Variants in DMD observed in about 807,000 individuals in gnomAD.
DMD encodes the protein mutant dystrophin.
DMD carries 63 observed loss-of-function variants against 330.1 expected under a neutral mutation model. The ratio of observed to expected loss-of-function variants is 0.19; its 90% CI spans 0.16 to 0.24. DMD has a LOEUF of 0.24. DMD is among the 10% of genes least tolerant of loss of function. The pLI is 1.00. For synonymous variants in DMD, 1,223 were observed against 959.8 expected, an observed-to-expected ratio of 1.27 and a Z score of -5.07; for missense variants, 3,344 against 2,684.1, an observed-to-expected ratio of 1.25 and a Z score of -5.43.
intron 12 of DMD, among the ~76,000 whole-genome samples, chrX:32,605,918 T>C (rs987085436): frequency 9.1e-6 from 1 of 109,795 alleles, no homozygotes; most frequent in Admixed American, 9.7e-5. Context: ...GGGTACAGAG[T>C]AGGTGTATTT....
intron 43 of DMD, among the ~76,000 whole-genome samples, chrX:32,281,944 A>G (rs183994046): frequency 2.1e-3 from 235 of 111,896 alleles, no homozygotes; most frequent in African/African-American, 7.3e-3. Context: ...TGGGTGGGTA[A>G]GTCAACCCAA....
intron 7 of DMD, among the ~76,000 whole-genome samples, chrX:32,769,184 C>T (rs748223094): frequency 5.3e-5 from 6 of 112,354 alleles, no homozygotes; most frequent in African/African-American, 1.9e-4. Context: ...CGAGACTGGA[C>T]GATTTACAAA....
intron 44 of DMD, among the ~76,000 whole-genome samples, chrX:32,212,498 A>G (rs930220018): frequency 1.8e-5 from 2 of 111,846 alleles, no homozygotes; most frequent in African/African-American, 6.5e-5. Context: ...GAAATCAGAG[A>G]CATGAAAAGA....
At chrX:31,739,993 T>C (rs2149068037) in intron 51 of DMD, among the ~76,000 whole-genome samples, 1 of 110,105 alleles carries the variant, frequency 9.1e-6, no homozygotes, top group South Asian at 3.8e-4. Context: ...CAAGCTATTA[T>C]ACCACACGGA....
At chrX:31,545,915 G>A (rs909481019) in intron 55 of DMD, among the ~76,000 whole-genome samples, 1 of 111,851 alleles carries the variant, frequency 8.9e-6, no homozygotes. Context: ...TCTTCACTGC[G>A]GATACAAAGA....
intron 64 of DMD, among the ~76,000 whole-genome samples, chrX:31,214,152 A>G (rs1440218726): frequency 8.9e-6 from 1 of 112,522 alleles, no homozygotes; most frequent in African/African-American, 3.2e-5. Context: ...TGAAGCAACT[A>G]TCATTTTTGA....
At chrX:32,790,215 A>T (rs140880224) in intron 7 of DMD, among the ~76,000 whole-genome samples, 1 of 111,972 alleles carries the variant, frequency 8.9e-6, no homozygotes, top group Non-Finnish European at 1.9e-5. Flanking sequence ...CTGAAATTCA[A>T]CAGAGAAGCA....
intron 56 of DMD, among the ~76,000 whole-genome samples, chrX:31,498,871 C>A (rs933502793): frequency 8.9e-6 from 1 of 112,179 alleles, no homozygotes; most frequent in Non-Finnish European, 1.9e-5. Flanking sequence ...ATAGTGCATG[C>A]AGATTGCATA....
Position 33,112,269 on chromosome X carries a change from G to C in DMD, c.32-92069C>G, listed in dbSNP as rs776440460. Among the ~76,000 whole-genome samples, 3 of 111,153 alleles carry C rather than the reference G, an allele frequency of 2.7e-5. No homozygotes were observed. The South Asian group carries it at 1.1e-3, about 42-fold the overall frequency. ...ATGTATATATTAAACTTTGTTATAT[G>C]TGTATGTATATAAGAAACATAATAT... On this transcript the variant is annotated intron_variant, in intron 1 of 78. Coordinates refer to ENST00000357033, the MANE Select transcript of DMD (RefSeq NM_004006.3).
intron 42 of DMD, among the ~76,000 whole-genome samples, chrX:32,299,878 T>C (rs1475893423): frequency 1.8e-5 from 2 of 111,519 alleles, no homozygotes; most frequent in African/African-American, 6.5e-5. Context: ...AAGCTAAGGA[T>C]TCCTCCTCTA....
intron 11 of DMD, among the ~76,000 whole-genome samples, chrX:32,640,234 A>G (rs1464944805): frequency 9.2e-6 from 1 of 108,922 alleles, no homozygotes; most frequent in African/African-American, 3.3e-5. Context: ...CACATTTTAT[A>G]ATAATTTTGC....
chrX:32,560,213 T>C (rs2050834937), intron 16 of DMD, among the ~76,000 whole-genome samples: 1 of 108,723 alleles, frequency 9.2e-6, no homozygotes, highest in Non-Finnish European at 1.9e-5. Flanking sequence ...TATATATGCT[T>C]ACACCAAAGC....
At chrX:31,834,533 G>A (rs1336755984) in intron 49 of DMD, among the ~76,000 whole-genome samples, 1 of 111,544 alleles carries the variant, frequency 9.0e-6, no homozygotes, top group South Asian at 3.8e-4. Context: ...TCTGCCTCTC[G>A]GGTTCAAGTG....
At chrX:32,353,530 A>G (rs975854267) in intron 37 of DMD, among the ~76,000 whole-genome samples, 2 of 111,563 alleles carry the variant, frequency 1.8e-5, no homozygotes, top group African/African-American at 6.5e-5. Flanking sequence ...ACTTTAAAGG[A>G]AATAGATGAC....
intron 13 of DMD, among the ~76,000 whole-genome samples, chrX:32,590,455 C>T (rs1291336695): frequency 9.0e-6 from 1 of 111,551 alleles, no homozygotes; most frequent in African/African-American, 3.3e-5. Context: ...GAGAGTGTAG[C>T]CAAAGAAGGC....
chrX:32,825,783 G>A (rs1422388358), intron 4 of DMD, among the ~76,000 whole-genome samples: 1 of 111,475 alleles, frequency 9.0e-6, no homozygotes, highest in Non-Finnish European at 1.9e-5. Flanking sequence ...GACAAATATT[G>A]TATGATTCTA....
intron 1 of DMD, among the ~76,000 whole-genome samples, chrX:33,298,482 A>C (rs1259717185): frequency 8.9e-6 from 1 of 112,020 alleles, no homozygotes; most frequent in Non-Finnish European, 1.9e-5. Flanking sequence ...CATCACAACA[A>C]ATGTGAATCA....
intron 12 of DMD, among the ~76,000 whole-genome samples, chrX:32,611,951 C>T (rs913096863): frequency 1.8e-5 from 2 of 111,779 alleles, no homozygotes; most frequent in Non-Finnish European, 3.8e-5. Flanking sequence ...TGGAAAATGA[C>T]AATTTAGTTA....
chrX:31,471,547 C>T (rs1777806365), intron 59 of DMD, among the ~76,000 whole-genome samples: 1 of 112,130 alleles, frequency 8.9e-6, no homozygotes, highest in Middle Eastern at 4.6e-3. Flanking sequence ...CACCCACCTT[C>T]TGTGTTGATC....
Sources: gnomAD v4.1 joint callset for allele counts (sites outside exome capture counted in the v4.1 genomes callset) on GRCh38, gnomAD v4.1.1 for gene constraint, MANE v1.5 for transcripts, NCBI Gene and HGNC (gene_info 2026-07-23, HGNC 2026-07-21) for gene names.